Variants in LIPG observed in about 807,000 individuals in gnomAD.
LIPG encodes the protein endothelial lipase.
LIPG carries 34 observed loss-of-function variants against 51.8 expected under a neutral mutation model. The ratio of observed to expected loss-of-function variants is 0.66; its 90% confidence interval spans 0.50 to 0.87. The LOEUF is 0.87. Ranked by LOEUF, LIPG falls within the 40% of genes least tolerant of loss-of-function variation. LIPG has a pLI of 0.00. For missense variants in LIPG, 580 were observed against 652.7 expected (o/e 0.89, Z 1.21); for synonymous variants, 246 against 246.1 (o/e 1.00, Z 0.00).
rs1568533484 is a variant in LIPG at position 49,579,769 on chromosome 18, T to TTTCCTTTCCTTTCC, written c.794-1644_794-1643insCCTTTCCTTTCCTT. The stretch of plus-strand genomic sequence containing the variant: ...CTTTCCTTTCCTTTCCTTTCCTTTC[T>TTTCCTTTCCTTTCC]TTTCTTTTCTTTTCTTTTCTTTTCT... On this transcript the variant is annotated intron_variant, in intron 5 of 9. Coordinates refer to ENST00000261292, the MANE Select transcript of LIPG (RefSeq NM_006033.4). 9.2e-3 allele frequency among the ~76,000 whole-genome samples: 256 copies of TTTCCTTTCCTTTCC among 27,898 alleles called. 1 individual carries two copies. The highest frequency in any genetic ancestry group is 0.019 in the African/African-American group (115 of 6,026). 18.3% of individuals were successfully genotyped at this position (27,898 alleles called of 152,430 possible). A position where few individuals can be genotyped will look rare whatever the true frequency, so the allele number is the denominator to read the frequency against.
At chr18:49,588,110 T>A (rs1024739814) in intron 9 of LIPG, among the ~76,000 whole-genome samples, 3 of 151,566 alleles carry the variant, frequency 2.0e-5, no homozygotes. Context: ...TTGATTGACA[T>A]CTTCTCTGTA....
At position 49,583,778 on chromosome 18, in the gene LIPG, A is replaced by AGT. The variant is rs1568536054; in HGVS notation, c.1376+6_1376+7dup. The AGT allele has an allele frequency of 6.2e-7, 1 of 1,607,816 alleles. No individual in the cohort carries two copies. The highest frequency in any genetic ancestry group is 8.5e-7 in the Non-Finnish European group (1 of 1,177,442). On this transcript the variant is annotated splice_donor_region_variant and intron_variant, in intron 8 of 9. Coordinates refer to ENST00000261292, the MANE Select transcript of LIPG (RefSeq NM_006033.4). ...AGTCTGGGGAAACCCAGCGGAAGTA[A>AGT]GTGCCTCCTGCTCCTTCTTCTGCCT...
chr18:49,579,577 G>A (rs2084791347), intron 5 of LIPG, among the ~76,000 whole-genome samples: 1 of 151,940 alleles, frequency 6.6e-6, no homozygotes, highest in Non-Finnish European at 1.5e-5. Context: ...AGCATTTCCT[G>A]TCTTGACCCC....
chr18:49,585,973 G>C lies in LIPG; in HGVS notation c.1377-773G>C, dbSNP rs142348626. 7.8e-3 allele frequency among the ~76,000 whole-genome samples: 1,183 copies of C among 152,260 alleles called. 12 individuals carry two copies. Among genetic ancestry groups the C allele is most frequent in the African/African-American group, 0.027 (1,140 of 41,536 alleles). On this transcript the variant is annotated intron_variant, in intron 8 of 9. Coordinates refer to ENST00000261292, the MANE Select transcript of LIPG (RefSeq NM_006033.4). ...AGGTCCTTAGGGCTTCCTGGGAAAG[G>C]TTCTTAAGCTCTTCTGAATGGGGCT... is the stretch of plus-strand genomic sequence containing the variant.
chr18:49,583,901 A>G (rs2084854482), intron 8 of LIPG, 127 bp downstream of exon 8: 2 of 823,640 alleles, frequency 2.4e-6, no homozygotes, highest in Non-Finnish European at 3.8e-6. Flanking sequence ...TAAAACTTCA[A>G]ACACCTTTGC....
At chr18:49,574,569 C>T (rs2084696069) in intron 4 of LIPG, among the ~76,000 whole-genome samples, 1 of 152,200 alleles carries the variant, frequency 6.6e-6, no homozygotes, top group South Asian at 2.1e-4. Flanking sequence ...CTCTCTCCCC[C>T]AACGCACACG....
At chr18:49,582,313 G>A (rs1600563751) in intron 6 of LIPG, 49 bp from the exon 7 acceptor site, 3 of 1,613,438 alleles carry the variant, frequency 1.9e-6, no homozygotes, top group Middle Eastern at 3.3e-4. Flanking sequence ...GGGGTCTCCT[G>A]TGATGACAAG....
In LIPG at chr18:49,590,712, C is replaced by T. The variant is rs2084933838; in HGVS notation, c.*190C>T. 3 of 656,888 alleles carry T rather than the reference C, an allele frequency of 4.6e-6. No homozygotes were observed. In the South Asian group the frequency reaches 5.2e-5, roughly 11 times the overall value. The allele number at this position is 656,888 out of a possible 1,614,324, so 40.7% of individuals were successfully genotyped here. A position where few individuals can be genotyped will look rare whatever the true frequency, so the allele number is the denominator to read the frequency against. ...GGGAGGGGACTGCGCTGCTATAGCTCTTGCTGCCTCTCTTGAATAGCTCTA... is the reference window on the plus strand; with the variant it reads ...GGGAGGGGACTGCGCTGCTATAGCTTTTGCTGCCTCTCTTGAATAGCTCTA... On this transcript the variant is annotated 3_prime_UTR_variant, in exon 10 of 10. Coordinates refer to ENST00000261292, the MANE Select transcript of LIPG (RefSeq NM_006033.4).
intron 9 of LIPG, chr18:49,590,155 A>G: frequency 2.4e-6 from 1 of 416,682 alleles, no homozygotes; most frequent in South Asian, 2.3e-5. Context: ...AGTTCTCCCC[A>G]CACTTGTGTG....
At chr18:49,569,732 C>T (rs990123590) in intron 4 of LIPG, among the ~76,000 whole-genome samples, 184 bp downstream of exon 4, 2 of 150,396 alleles carry the variant, frequency 1.3e-5, no homozygotes, top group Non-Finnish European at 2.9e-5. Context: ...AAATTGAACT[C>T]GCATAGGCCC....
Position 49,592,414 on chromosome 18 carries a change from C to G in LIPG, c.*1892C>G, listed in dbSNP as rs904100741. 1 of 152,056 alleles carries G rather than the reference C, an allele frequency of 6.6e-6. No individual in the cohort carries two copies. The highest frequency in any genetic ancestry group is 1.5e-5 in the Non-Finnish European group (1 of 68,032). 9.4% of individuals were successfully genotyped at this position (152,056 alleles called of 1,614,324 possible). A position where few individuals can be genotyped will look rare whatever the true frequency, so the allele number is the denominator to read the frequency against. On this transcript the variant is annotated 3_prime_UTR_variant, in exon 10 of 10. Transcript: ENST00000261292. ...TAATGAGATATTTTGGGAATAGGAC[C>G]CGAGCCTAAACACAAAATTCATTGA...
In LIPG at chr18:49,562,225, C is replaced by T. The variant is rs1600538854; in HGVS notation, c.-84C>T. ...GCCCCTGGCCGAGAGAAGGGTCTTA[C>T]CGGCCGGGATTGCTGGAAACACCAA... On this transcript the variant is annotated 5_prime_UTR_variant, in exon 1 of 10. Coordinates refer to ENST00000261292, the MANE Select transcript of LIPG (RefSeq NM_006033.4). 6.2e-7 allele frequency: 1 copy of T among 1,607,762 alleles called. No individual in the cohort carries two copies. Among genetic ancestry groups the T allele is most frequent in the Non-Finnish European group, 8.5e-7 (1 of 1,178,666 alleles).
At chr18:49,568,774 T>C (rs1405062334) in intron 3 of LIPG, among the ~76,000 whole-genome samples, 2 of 152,180 alleles carry the variant, frequency 1.3e-5, no homozygotes, top group African/African-American at 4.8e-5. Context: ...GGCACCATTA[T>C]CTGGGCAATT....
intron 2 of LIPG, 69 bp from the exon 3 acceptor site, chr18:49,567,373 A>G: frequency 6.6e-7 from 1 of 1,507,582 alleles, no homozygotes. Context: ...GGTCATATAG[A>G]AAGGAATTCC....
At chr18:49,579,216 G>C (rs1266551420) in intron 5 of LIPG, among the ~76,000 whole-genome samples, 3 of 99,494 alleles carry the variant, frequency 3.0e-5, no homozygotes, top group African/African-American at 4.3e-5. Context: ...GGGAGAGGGA[G>C]AGGGAGAGGG....
At chr18:49,571,298 G>C (rs906427207) in intron 4 of LIPG, among the ~76,000 whole-genome samples, 2 of 152,186 alleles carry the variant, frequency 1.3e-5, no homozygotes, top group African/African-American at 4.8e-5. Context: ...CCACAGTCCA[G>C]GCCCAGAATG....
rs2084981660 is a variant in LIPG, at chr18:49,596,250, TAAAAACTG to T, written c.*5734_*5741del. ...ATGAAATATAAATTCAAAACCTGTA[TAAAAACTG>T]AAAAAATGTAAAACGTCACAATTAG... On this transcript the variant is annotated 3_prime_UTR_variant, in exon 10 of 10. Coordinates refer to ENST00000261292, the MANE Select transcript of LIPG (RefSeq NM_006033.4). The T allele has an allele frequency of 6.6e-6, 1 of 151,924 alleles. No individual in the cohort carries two copies. Among genetic ancestry groups the T allele is most frequent in the African/African-American group, 2.4e-5 (1 of 41,348 alleles). 9.4% of individuals were successfully genotyped at this position (151,924 alleles called of 1,614,324 possible). A position where few individuals can be genotyped will look rare whatever the true frequency, so the allele number is the denominator to read the frequency against.
At chr18:49,574,001 C>G (rs2084689933) in intron 4 of LIPG, among the ~76,000 whole-genome samples, 1 of 152,186 alleles carries the variant, frequency 6.6e-6, no homozygotes, top group Non-Finnish European at 1.5e-5. Context: ...GCAACTCTCT[C>G]CATCAGAATG....
At chr18:49,566,228 T>C (rs2084605227) in intron 2 of LIPG, among the ~76,000 whole-genome samples, 2 of 152,164 alleles carry the variant, frequency 1.3e-5, no homozygotes, top group Non-Finnish European at 2.9e-5. Context: ...CTGTCATCCA[T>C]GGTTGAGGTC....
Sources: allele counts gnomAD v4.1 joint callset (sites outside exome capture counted in the v4.1 genomes callset), GRCh38; gene constraint gnomAD v4.1.1; transcripts MANE v1.5; gene names NCBI Gene and HGNC (gene_info 2026-07-23, HGNC 2026-07-21).